Variants in RAPGEF6 observed in about 807,000 individuals in gnomAD.
The protein encoded by RAPGEF6 is Rap guanine nucleotide exchange factor 6, also known as PDZ domain containing guanine nucleotide exchange factor (GEF) 2.
Under a neutral mutation model 171.4 loss-of-function variants are expected in RAPGEF6, and 56 were observed. The ratio of observed to expected loss-of-function variants is 0.33; its 90% CI spans 0.26 to 0.41. The LOEUF is 0.41. Among genes scored for constraint, RAPGEF6 ranks in the 10% least tolerant of loss-of-function variants. The pLI is 1.00. For missense variants in RAPGEF6, 1,674 were observed against 1,921.4 expected, an observed-to-expected ratio of 0.87 and a Z score of 2.41; for synonymous variants, 692 against 650.1, an observed-to-expected ratio of 1.06 and a Z score of -0.98.
chr5:131,547,531 C>T (rs909898980), intron 6 of RAPGEF6, among the ~76,000 whole-genome samples: 111 of 135,224 alleles, frequency 8.2e-4, no homozygotes, highest in South Asian at 7.1e-3. Flanking sequence ...TTTTTGGCAA[C>T]AGAGTTTTGC....
chr5:131,427,067 C>T lies in RAPGEF6; in HGVS notation c.*199G>A. 1.6e-6 allele frequency: 1 copy of T among 623,048 alleles called. No individual in the cohort carries two copies. Among genetic ancestry groups the T allele is most frequent in the South Asian group, 1.9e-5 (1 of 52,320 alleles). 38.6% of individuals were successfully genotyped at this position (623,048 alleles called of 1,614,324 possible). On this transcript the variant is annotated 3_prime_UTR_variant, in exon 28 of 28. Coordinates refer to ENST00000509018, the MANE Select transcript of RAPGEF6 (RefSeq NM_016340.6). ...GTATCCAGGCATAGCATCCATTGCT[C>T]AGGAAACTATTTATCTGCAGAAATT...
At chr5:131,481,384 T>A (rs761234229) in intron 15 of RAPGEF6, among the ~76,000 whole-genome samples, 4 of 151,908 alleles carry the variant, frequency 2.6e-5, no homozygotes, top group East Asian at 1.9e-4. Flanking sequence ...TGTGCCACCA[T>A]GCTGGGTTAA....
In RAPGEF6 at chr5:131,590,220, T is replaced by C. The variant is rs3776002; in HGVS notation, c.281+2163A>G. On this transcript the variant is annotated intron_variant, in intron 4 of 27. Coordinates refer to ENST00000509018, the MANE Select transcript of RAPGEF6 (RefSeq NM_016340.6). ...CCTGAGACCAGTCTAGCCAACATGG[T>C]GAAACCCTGTCTTTACTAAAAATAC... Among the ~76,000 whole-genome samples, 113 of 152,198 alleles carry C rather than the reference T, an allele frequency of 7.4e-4. 2 individuals are homozygous for C. In the East Asian group the frequency reaches 0.021, roughly 29 times the overall value.
chr5:131,510,078 G>T (rs956969529), intron 8 of RAPGEF6, among the ~76,000 whole-genome samples: 2 of 152,158 alleles, frequency 1.3e-5, no homozygotes, highest in East Asian at 3.8e-4. Flanking sequence ...CTACAGCTCA[G>T]CCCAGGGAAG....
chr5:131,518,015 T>A (rs1758212425), intron 7 of RAPGEF6, among the ~76,000 whole-genome samples: 1 of 152,044 alleles, frequency 6.6e-6, no homozygotes, highest in Non-Finnish European at 1.5e-5. Context: ...GTTAAATAAA[T>A]AAAAATGTTC....
At chr5:131,545,814 A>G (rs1760488234) in intron 6 of RAPGEF6, among the ~76,000 whole-genome samples, 1 of 152,242 alleles carries the variant, frequency 6.6e-6, no homozygotes, top group Admixed American at 6.5e-5. Context: ...ATAGTTAATA[A>G]ATCAGTTTTG....
intron 14 of RAPGEF6, 49 bp from the exon 15 acceptor site, chr5:131,489,703 C>T (rs1051249689): frequency 1.0e-5 from 10 of 982,594 alleles, no homozygotes; most frequent in Non-Finnish European, 1.5e-5. Context: ...GTATTAGTTA[C>T]TCCTACAACC....
chr5:131,557,148 C>A (rs1761286994), intron 5 of RAPGEF6, among the ~76,000 whole-genome samples: 1 of 151,974 alleles, frequency 6.6e-6, no homozygotes, highest in African/African-American at 2.4e-5. Context: ...TTCCTTTATC[C>A]CCATTTTTAA....
At chr5:131,579,145 G>A (rs867648647) in intron 4 of RAPGEF6, among the ~76,000 whole-genome samples, 1 of 152,086 alleles carries the variant, frequency 6.6e-6, no homozygotes, top group Non-Finnish European at 1.5e-5. Context: ...AGCTCTTAAG[G>A]CGGCACCTCT....
At chr5:131,475,745 T>C (rs889507198) in intron 16 of RAPGEF6, among the ~76,000 whole-genome samples, 4 of 152,250 alleles carry the variant, frequency 2.6e-5, no homozygotes, top group African/African-American at 9.6e-5. Flanking sequence ...ACTTTAATTT[T>C]TAGGAACATT....
At chr5:131,480,825 T>C (rs1755422667) in intron 15 of RAPGEF6, among the ~76,000 whole-genome samples, 1 of 151,824 alleles carries the variant, frequency 6.6e-6, no homozygotes, top group Non-Finnish European at 1.5e-5. Context: ...TTCCTCACGG[T>C]CACATTTATG....
rs1350749333 is a variant in RAPGEF6 at position 131,469,890 on chromosome 5, C to T, written c.2239+2697G>A. ...ACTTACAGTTCTGTAGCTTTGCCCC[C>T]ACTTTCATTTTGATCTAGTAATAAC... On this transcript the variant is annotated intron_variant, in intron 17 of 27. Coordinates refer to ENST00000509018, the MANE Select transcript of RAPGEF6 (RefSeq NM_016340.6). The T allele has an allele frequency of 1.2e-5, 15 of 1,205,374 alleles. No homozygotes were observed. In the Admixed American group the frequency reaches 1.5e-4, roughly 12 times the overall value. The allele number at this position is 1,205,374 out of a possible 1,614,324, so 74.7% of individuals were successfully genotyped here.
chr5:131,505,719 T>C (rs1010173425), intron 9 of RAPGEF6, among the ~76,000 whole-genome samples, 197 bp from the exon 10 acceptor site: 3 of 152,190 alleles, frequency 2.0e-5, no homozygotes, highest in African/African-American at 7.2e-5. Flanking sequence ...TCTTTCTTCT[T>C]TTAGTCACCA....
At chr5:131,615,658 T>C (rs1009298045) in intron 1 of RAPGEF6, among the ~76,000 whole-genome samples, 5 of 152,134 alleles carry the variant, frequency 3.3e-5, no homozygotes, top group African/African-American at 9.7e-5. Context: ...CCCAGCACTT[T>C]GGGAGGCAGA....
chr5:131,453,268 G>A lies in RAPGEF6; in HGVS notation c.3077-91C>T, dbSNP rs894579890. ...AGCTGGTAATCTTGAGGGGCACAAA[G>A]AAGGACCTTCTTTATCACAGTGCCA... On this transcript the variant is annotated intron_variant, in intron 20 of 27. Coordinates refer to ENST00000509018, the MANE Select transcript of RAPGEF6 (RefSeq NM_016340.6). 6.8e-6 allele frequency: 10 copies of A among 1,465,234 alleles called. No individual in the cohort carries two copies. In the African/African-American group the frequency reaches 1.1e-4, roughly 17 times the overall value. 90.8% of individuals were successfully genotyped at this position (1,465,234 alleles called of 1,614,324 possible).
chr5:131,506,425 T>C (rs746648026), intron 9 of RAPGEF6, among the ~76,000 whole-genome samples: 7 of 152,176 alleles, frequency 4.6e-5, no homozygotes, highest in Non-Finnish European at 1.0e-4. Context: ...CCACTGCACC[T>C]GGCCCAAAGA....
At chr5:131,472,393 A>AC (rs781156366) in intron 17 of RAPGEF6, 194 bp downstream of exon 17, 16 of 718,640 alleles carry the variant, frequency 2.2e-5, no homozygotes, top group Non-Finnish European at 3.6e-5. Context: ...TTTTTTATGT[A>AC]CTTCTGTTTC....
chr5:131,442,985 C>T (rs578103163), intron 22 of RAPGEF6, among the ~76,000 whole-genome samples: 2 of 151,042 alleles, frequency 1.3e-5, no homozygotes, highest in South Asian at 2.1e-4. Context: ...CAGAGCTTTG[C>T]TTTTGTTGCC....
At chr5:131,602,176 C>T (rs1410414652) in intron 3 of RAPGEF6, among the ~76,000 whole-genome samples, 1 of 152,102 alleles carries the variant, frequency 6.6e-6, no homozygotes, top group Non-Finnish European at 1.5e-5. Flanking sequence ...TAGATGATTT[C>T]ATCATGCTAA....
Sources: allele counts gnomAD v4.1 joint callset (sites outside exome capture counted in the v4.1 genomes callset), GRCh38; gene constraint gnomAD v4.1.1; transcripts MANE v1.5; gene names NCBI Gene and HGNC (gene_info 2026-07-23, HGNC 2026-07-21).